SHROOM3: variants seen among roughly 807,000 people sequenced by gnomAD.
SHROOM3 encodes protein Shroom3.
A neutral mutation model predicts 138.6 loss-of-function variants in SHROOM3; 47 were observed. The ratio of observed to expected loss-of-function variants is 0.34; its 90% CI spans 0.27 to 0.43. The LOEUF (loss-of-function observed/expected upper bound fraction) is 0.43. SHROOM3 is among the 20% of genes least tolerant of loss of function. The pLI, the probability that SHROOM3 is intolerant of heterozygous loss-of-function variation, is 1.00. For missense variants in SHROOM3, 2,491 were observed against 2,596.5 expected (o/e 0.96, Z 0.88); for synonymous variants, 1,062 against 1,063.3 (o/e 1.00, Z 0.02).
At chr4:76,455,354 AT>A (rs1275008253) in intron 1 of SHROOM3, among the ~76,000 whole-genome samples, 1 of 152,150 alleles carries the variant, frequency 6.6e-6, no homozygotes, top group East Asian at 1.9e-4. Context: ...ATATTTACGT[AT>A]TTATACATAA....
intron 1 of SHROOM3, among the ~76,000 whole-genome samples, chr4:76,445,827 C>T (rs1398030950): frequency 1.3e-5 from 2 of 152,134 alleles, no homozygotes; most frequent in African/African-American, 2.4e-5. Context: ...CACCTTCTTC[C>T]TCCCTCTCAT....
At chr4:76,756,960 A>T (rs1464632098) in intron 8 of SHROOM3, 23 bp downstream of exon 8, 1 of 1,613,420 alleles carries the variant, frequency 6.2e-7, no homozygotes. Flanking sequence ...TGATGTCCTC[A>T]GAGAGACTTA....
rs183810966 is a variant in SHROOM3, at chr4:76,672,881, C to T, written c.324-37275C>T. 2.0e-5 allele frequency among the ~76,000 whole-genome samples: 3 copies of T among 152,196 alleles called. No homozygotes were observed. In the East Asian group the frequency reaches 5.8e-4, roughly 29 times the overall value. ...TGGCTCATGCCCGGCCGGATACATG[C>T]ATTTTAATTTGGTGAAAAAATATTA... is the stretch of plus-strand genomic sequence containing the variant. On this transcript the variant is annotated intron_variant, in intron 2 of 10. Transcript: ENST00000296043.
intron 2 of SHROOM3, among the ~76,000 whole-genome samples, chr4:76,607,559 C>T (rs969471677): frequency 6.6e-6 from 1 of 152,138 alleles, no homozygotes; most frequent in Non-Finnish European, 1.5e-5. Flanking sequence ...CAGGGACCTC[C>T]GCATTTTCTA....
Position 76,756,771 on chromosome 4 carries a change from C to A in SHROOM3, c.5032C>A (p.Gln1678Lys). The A allele has an allele frequency of 6.2e-7, 1 of 1,614,168 alleles. No individual in the cohort carries two copies. The highest frequency in any genetic ancestry group is 1.1e-5 in the South Asian group (1 of 91,066). The change falls in exon 8 of 11, where the codon CAA (glutamine) becomes AAA (lysine). Residue 1678 changes from glutamine to lysine, a missense_variant. By Grantham distance (53) the Gln-to-Lys change is moderately conservative. This residue lies in a region of SHROOM3 where 470 missense variants were observed against 595.0 expected (regional missense o/e 0.79). Coordinates refer to ENST00000296043, the MANE Select transcript of SHROOM3 (RefSeq NM_020859.4). ...TEALAKEIVH[Q>K]DKSLADILDP... Reference sequence around the variant, plus strand: ...GGCTTTGGCCAAGGAAATTGTCCACCAAGACAAATCTCTAGCAGACATTTT... The same window carrying A: ...GGCTTTGGCCAAGGAAATTGTCCACAAAGACAAATCTCTAGCAGACATTTT...
intron 2 of SHROOM3, among the ~76,000 whole-genome samples, chr4:76,580,871 C>CA (rs1734038741): frequency 6.6e-6 from 1 of 152,196 alleles, no homozygotes; most frequent in Non-Finnish European, 1.5e-5. Flanking sequence ...AGTAAACACT[C>CA]TACTAAGTAC....
At chr4:76,718,185 T>C (rs765584526) in intron 3 of SHROOM3, among the ~76,000 whole-genome samples, 7 of 152,200 alleles carry the variant, frequency 4.6e-5, no homozygotes, top group Non-Finnish European at 1.0e-4. Context: ...TGCTCATCTA[T>C]ATATAGAGAG....
intron 5 of SHROOM3, among the ~76,000 whole-genome samples, chr4:76,742,575 A>G (rs1333267820): frequency 3.3e-5 from 5 of 152,196 alleles, no homozygotes; most frequent in Non-Finnish European, 5.9e-5. Context: ...AAGAAACTCA[A>G]AATCTCACAT....
At chr4:76,667,121 TACA>T (rs1718713283) in intron 2 of SHROOM3, among the ~76,000 whole-genome samples, 1 of 152,178 alleles carries the variant, frequency 6.6e-6, no homozygotes, top group South Asian at 2.1e-4. Flanking sequence ...GTTTCAGTTT[TACA>T]ACTTCGTAAA....
chr4:76,476,163 A>ACCCCCCAGCAG (rs1731481013), intron 1 of SHROOM3, among the ~76,000 whole-genome samples: 2 of 152,182 alleles, frequency 1.3e-5, no homozygotes, highest in Admixed American at 6.6e-5. Flanking sequence ...GGGGAAAATG[A>ACCCCCCAGCAG]GACTTGGGGG....
chr4:76,742,512 T>C (rs1721295647), intron 5 of SHROOM3, among the ~76,000 whole-genome samples: 1 of 152,134 alleles, frequency 6.6e-6, no homozygotes, highest in Non-Finnish European at 1.5e-5. Flanking sequence ...CCCCTGTCTC[T>C]CGGACTCCCA....
intron 1 of SHROOM3, among the ~76,000 whole-genome samples, chr4:76,489,885 A>T (rs1191707236): frequency 2.0e-5 from 3 of 152,246 alleles, no homozygotes; most frequent in African/African-American, 7.2e-5. Flanking sequence ...AACGCCCAGC[A>T]AAGCAAAGAA....
chr4:76,603,838 C>CTTT (rs993165829), intron 2 of SHROOM3, among the ~76,000 whole-genome samples: 100 of 97,232 alleles, frequency 1.0e-3, no homozygotes, highest in Non-Finnish European at 1.3e-3. Flanking sequence ...ATCTTGTATT[C>CTTT]TTTTTTTTTT....
chr4:76,525,176 C>T (rs1732663496), intron 1 of SHROOM3, among the ~76,000 whole-genome samples: 1 of 152,174 alleles, frequency 6.6e-6, no homozygotes, highest in Non-Finnish European at 1.5e-5. Flanking sequence ...GTTTAATTGA[C>T]TCACAGTTCC....
At position 76,672,301 on chromosome 4, in the gene SHROOM3, G is replaced by A. The variant is rs182255590; in HGVS notation, c.324-37855G>A. 7.3e-4 allele frequency among the ~76,000 whole-genome samples: 111 copies of A among 151,692 alleles called. No individual in the cohort carries two copies. The East Asian group carries it at 0.019, about 26-fold the overall frequency. On this transcript the variant is annotated intron_variant, in intron 2 of 10. Transcript: ENST00000296043. ...TATTTTCGGAGAGAAAAGAAAACCA[G>A]AGAATAATTCTATCCCTATTGTTGG... is the stretch of plus-strand genomic sequence containing the variant.
chr4:76,716,835 C>T (rs1395182130), intron 3 of SHROOM3, among the ~76,000 whole-genome samples: 6 of 152,148 alleles, frequency 3.9e-5, no homozygotes, highest in Non-Finnish European at 7.4e-5. Context: ...GTACTAGTAG[C>T]CAAGTTCTCT....
At chr4:76,450,934 C>T (rs1053041675) in intron 1 of SHROOM3, among the ~76,000 whole-genome samples, 4 of 150,728 alleles carry the variant, frequency 2.7e-5, no homozygotes, top group Admixed American at 1.3e-4. Context: ...TATTACCCAC[C>T]ATGTTAACCA....
At chr4:76,608,237 CT>C (rs1254123025) in intron 2 of SHROOM3, among the ~76,000 whole-genome samples, 1 of 152,214 alleles carries the variant, frequency 6.6e-6, no homozygotes, top group Non-Finnish European at 1.5e-5. Context: ...CAGTTTTTAG[CT>C]CTCGAGGGAG....
chr4:76,667,966 C>CAAAAAAAAA lies in SHROOM3; in HGVS notation c.324-42172_324-42164dup, dbSNP rs747974205. On this transcript the variant is annotated intron_variant, in intron 2 of 10. Transcript: ENST00000296043. The stretch of plus-strand genomic sequence containing the variant: ...TGGGCGACAGAAGGAGACTCCCTCT[C>CAAAAAAAAA]AAAAAAAAAAAAAAAAAAAAAAAAA... Among the ~76,000 whole-genome samples, 112 of 62,544 alleles carry CAAAAAAAAA rather than the reference C, an allele frequency of 1.8e-3. 7 individuals carry two copies. The highest frequency in any genetic ancestry group is 4.3e-3 in the African/African-American group (67 of 15,464). The allele number at this position is 62,544 out of a possible 152,430, so 41.0% of individuals were successfully genotyped here. A position where few individuals can be genotyped will look rare whatever the true frequency, so the allele number is the denominator to read the frequency against.
Sources: gnomAD v4.1 joint callset for allele counts (sites outside exome capture counted in the v4.1 genomes callset) on GRCh38, gnomAD v4.1.1 for gene constraint, gnomAD v4.1.1 regional missense constraint, MANE v1.5 for transcripts, NCBI Gene and HGNC (gene_info 2026-07-23, HGNC 2026-07-21) for gene names.